HDAC5: variants seen among roughly 807,000 people sequenced by gnomAD.
The protein encoded by HDAC5 is antigen NY-CO-9.
Under a neutral mutation model 133.3 loss-of-function variants are expected in HDAC5, and 25 were observed. The observed-to-expected ratio is 0.19, with a 90% CI of 0.14 to 0.26. The LOEUF (loss-of-function observed/expected upper bound fraction) is 0.26, where lower values mean the gene tolerates loss of function less well. HDAC5 is among the 10% of genes least tolerant of loss of function. The probability of loss-of-function intolerance (pLI) is 1.00; values close to 1 mark genes in which losing one functional copy is unlikely to be tolerated. For missense variants in HDAC5, 1,041 were observed against 1,460.5 expected (o/e 0.71, Z 4.68); for synonymous variants, 589 against 610.8 (o/e 0.96, Z 0.53).
At chr17:44,114,713 G>A (rs2052551641) in intron 2 of HDAC5, among the ~76,000 whole-genome samples, 2 of 152,196 alleles carry the variant, frequency 1.3e-5, no homozygotes, top group Non-Finnish European at 2.9e-5. Context: ...CTCCAACCTG[G>A]TTGGGCCGAG....
In HDAC5 at chr17:44,117,368, C is replaced by T. The variant is rs1351978180; in HGVS notation, c.22+126G>A. The T allele has an allele frequency of 2.8e-6, 3 of 1,065,504 alleles. No homozygotes were observed. Among genetic ancestry groups the T allele is most frequent in the Non-Finnish European group, 2.9e-6 (2 of 684,598 alleles). The allele number at this position is 1,065,504 out of a possible 1,614,324, so 66.0% of individuals were successfully genotyped here. A position where few individuals can be genotyped will look rare whatever the true frequency, so the allele number is the denominator to read the frequency against. On this transcript the variant is annotated intron_variant, in intron 2 of 26. Transcript: ENST00000682912. The surrounding 1 kb of genome is among the most constrained non-coding windows in gnomAD (Gnocchi z 4.2). ...GGCCCTTTCTTGCAACACTTCTCCA[C>T]TCCTTACCCCCTCATTCCCTTATAG...
At chr17:44,101,035 C>T (rs1399973886) in intron 3 of HDAC5, among the ~76,000 whole-genome samples, 1 of 150,312 alleles carries the variant, frequency 6.7e-6, no homozygotes, top group African/African-American at 2.4e-5. Context: ...ATGATCCGCC[C>T]GCCTCAGCCT....
intron 3 of HDAC5, among the ~76,000 whole-genome samples, chr17:44,098,525 G>C (rs560843501): frequency 6.6e-6 from 1 of 152,172 alleles, no homozygotes; most frequent in East Asian, 1.9e-4. Flanking sequence ...GATCACCTGA[G>C]GTCAGGAGTT....
At chr17:44,090,720 C>T (rs1209969935) in intron 11 of HDAC5, among the ~76,000 whole-genome samples, 4 of 151,858 alleles carry the variant, frequency 2.6e-5, no homozygotes, top group Admixed American at 1.3e-4. Context: ...CGGAGTCTCA[C>T]GCTCTGTGCC....
In HDAC5 at chr17:44,108,610, G is replaced by T. The variant is rs150941342; in HGVS notation, c.94+2119C>A. 5.7e-4 allele frequency among the ~76,000 whole-genome samples: 86 copies of T among 151,964 alleles called. 1 individual carries two copies. The highest frequency in any genetic ancestry group is 2.0e-3 in the African/African-American group (81 of 41,456). ...GGATCTTGCATCCTGTCTGGAGACC[G>T]ATCAAGAGATGGGGAGAGGGGGTGG... On this transcript the variant is annotated intron_variant, in intron 3 of 26. Transcript: ENST00000682912.
At chr17:44,089,187 G>C (rs534765026) in intron 11 of HDAC5, among the ~76,000 whole-genome samples, 1 of 152,344 alleles carries the variant, frequency 6.6e-6, no homozygotes, top group African/African-American at 2.4e-5. Context: ...AGATTTCAAA[G>C]AGTATGAAAC....
At chr17:44,116,181 G>A (rs2052634638) in intron 2 of HDAC5, among the ~76,000 whole-genome samples, 1 of 152,252 alleles carries the variant, frequency 6.6e-6, no homozygotes, top group South Asian at 2.1e-4. Context: ...CTCCTGGACA[G>A]GTCAGCGTCA....
In HDAC5 at chr17:44,080,415, G is replaced by A. The variant is rs759605807; in HGVS notation, c.2811C>T (p.Tyr937=). The A allele has an allele frequency of 6.2e-6, 10 of 1,613,842 alleles. No homozygotes were observed. The highest frequency in any genetic ancestry group is 8.5e-6 in the Non-Finnish European group (10 of 1,179,888). The change falls in exon 22 of 27, where the codon TAC becomes TAT. Residue 937 remains tyrosine, a synonymous_variant. Coordinates refer to ENST00000682912, the MANE Select transcript of HDAC5 (RefSeq NM_005474.5). ...GVDPPIGDVE[Y]LTAFRTVVMP... ...TCAGTCCCTACCTGAAGGCTGTAAG[G>A]TACTCCACGTCTCCAATGGGGGGGT...
intron 11 of HDAC5, among the ~76,000 whole-genome samples, chr17:44,089,330 T>A (rs2050816753): frequency 1.3e-5 from 2 of 152,000 alleles, no homozygotes; most frequent in African/African-American, 4.8e-5. Context: ...CCTGGGCAGC[T>A]GGGTGCGGTG....
In HDAC5 at chr17:44,083,655, G is replaced by A. The variant is rs2050502557; in HGVS notation, c.2356-3C>T. ...TTCCACACGGTGTCACTGTCCACCT[G>A]CAGGGCAGGAGAGCAGGTTTCAGTG... On this transcript the variant is annotated splice_polypyrimidine_tract_variant and splice_region_variant and intron_variant, in intron 17 of 26. Coordinates refer to ENST00000682912, the MANE Select transcript of HDAC5 (RefSeq NM_005474.5). 2 of 1,612,572 alleles carry A rather than the reference G, an allele frequency of 1.2e-6. No homozygotes were observed. The highest frequency in any genetic ancestry group is 2.7e-5 in the African/African-American group (2 of 74,890).
chr17:44,091,906 A>G, intron 9 of HDAC5, 75 bp from the exon 10 acceptor site: 2 of 1,474,936 alleles, frequency 1.4e-6, no homozygotes, highest in Non-Finnish European at 1.8e-6. Context: ...CCTGGGGCCA[A>G]GGCCAAGGTC....
At chr17:44,087,913 G>A (rs1317101743) in intron 12 of HDAC5, among the ~76,000 whole-genome samples, 1 of 151,762 alleles carries the variant, frequency 6.6e-6, no homozygotes, top group Non-Finnish European at 1.5e-5. Context: ...GCACGATCTC[G>A]GCTCACTGCA....
Position 44,078,808 on chromosome 17 carries a change from G to T in HDAC5, c.3150C>A (p.Val1050=). Residue 1050 remains valine (V), a synonymous_variant, in exon 25 of 27, where the codon GTC becomes GTA. Coordinates refer to ENST00000682912, the MANE Select transcript of HDAC5 (RefSeq NM_005474.5). ...NINAVATLEK[V]IEIQSKHWSC... ...GTCCTCACGCACTCTGGATCTCGAT[G>T]ACTTTCTCTAGCGTGGCCACTGCGT... is the stretch of plus-strand genomic sequence containing the variant. 1 of 1,614,150 alleles carries T rather than the reference G, an allele frequency of 6.2e-7. No homozygotes were observed. Among genetic ancestry groups the T allele is most frequent in the South Asian group, 1.1e-5 (1 of 91,074 alleles).
At chr17:44,112,395 G>A (rs2052400099) in intron 2 of HDAC5, among the ~76,000 whole-genome samples, 1 of 151,984 alleles carries the variant, frequency 6.6e-6, no homozygotes. Flanking sequence ...GCCTCCCACT[G>A]GTACAAAGAT....
Position 44,086,677 on chromosome 17 carries a change from C to G in HDAC5, c.1945G>C (p.Ala649Pro). The G allele has an allele frequency of 7.7e-7, 1 of 1,300,178 alleles. No homozygotes were observed. Among genetic ancestry groups the G allele is most frequent in the Non-Finnish European group, 9.8e-7 (1 of 1,016,800 alleles). 80.5% of individuals were successfully genotyped at this position (1,300,178 alleles called of 1,614,324 possible). Residue 649 changes from alanine (A) to proline (P), a missense_variant, in exon 14 of 27, where the codon GCC (alanine) becomes CCC (proline). By Grantham distance (27) the Ala-to-Pro change is conservative (BLOSUM62 -1). This residue lies in a region of HDAC5 where 433 missense variants were observed against 531.6 expected (regional missense o/e 0.81). Transcript: ENST00000682912. ...CCCAGGGCCTGGTGGGGCACAGTGGCCAGGCTGAGGGGCGCCTGGTACACC... is the reference window on the plus strand; with the variant it reads ...CCCAGGGCCTGGTGGGGCACAGTGGGCAGGCTGAGGGGCGCCTGGTACACC... ...LQVYQAPLSL[A>P]TVPHQALGRT...
intron 1 of HDAC5, among the ~76,000 whole-genome samples, chr17:44,122,612 T>G (rs1450339948): frequency 2.0e-5 from 3 of 151,890 alleles, no homozygotes; most frequent in African/African-American, 7.3e-5. Context: ...TCATCTCCTC[T>G]CCCAAAGGAA....
intron 13 of HDAC5, among the ~76,000 whole-genome samples, chr17:44,087,119 G>A (rs975841264): frequency 2.6e-5 from 4 of 151,568 alleles, no homozygotes; most frequent in Admixed American, 6.6e-5. Context: ...GCACAGGCAC[G>A]CACAGGGACC....
chr17:44,108,573 T>C (rs2052116831), intron 3 of HDAC5, among the ~76,000 whole-genome samples: 1 of 151,928 alleles, frequency 6.6e-6, no homozygotes, highest in African/African-American at 2.4e-5. Flanking sequence ...GACACCTGCT[T>C]TTTCAGCCAT....
chr17:44,078,929 G>A, intron 24 of HDAC5, 50 bp from the exon 25 acceptor site: 1 of 1,586,350 alleles, frequency 6.3e-7, no homozygotes, highest in Non-Finnish European at 8.7e-7. Flanking sequence ...GGGTTGCCAT[G>A]CATACCCCTC....
Sources: allele counts gnomAD v4.1 joint callset (sites outside exome capture counted in the v4.1 genomes callset), GRCh38; gene constraint gnomAD v4.1.1; regional missense constraint gnomAD v4.1.1; non-coding constraint Gnocchi (gnomAD v3.1); transcripts MANE v1.5; gene names NCBI Gene and HGNC (gene_info 2026-07-23, HGNC 2026-07-21).